SIPA1L1: variants seen among roughly 807,000 people sequenced by gnomAD.
SIPA1L1 encodes signal-induced proliferation-associated 1-like protein 1.
In SIPA1L1, 26 loss-of-function variants were observed where a neutral mutation model predicts 162.7. The ratio of observed to expected loss-of-function variants is 0.16; its 90% CI spans 0.12 to 0.22. SIPA1L1 has a LOEUF of 0.22. Ranked by LOEUF, SIPA1L1 falls within the 10% of genes least tolerant of loss-of-function variation. SIPA1L1 has a pLI of 1.00. For synonymous variants in SIPA1L1, 829 were observed against 837.4 expected (o/e 0.99, Z 0.17); for missense variants, 1,874 against 2,241.0 (o/e 0.84, Z 3.31).
chr14:71,589,365 A>G lies in SIPA1L1; in HGVS notation c.1493A>G (p.Gln498Arg), dbSNP rs570823120. The G allele has an allele frequency of 2.5e-6, 4 of 1,599,944 alleles. No homozygotes were observed. In the African/African-American group the frequency reaches 5.4e-5, roughly 21 times the overall value. Residue 498 changes from glutamine (Q) to arginine (R), a missense_variant, in exon 5 of 24, where the codon CAG (glutamine) becomes CGG (arginine). Gln to Arg is a conservative substitution (Grantham distance 43, BLOSUM62 1). This residue lies in a region of SIPA1L1 where 685 missense variants were observed against 828.0 expected (regional missense o/e 0.83). Coordinates refer to ENST00000381232, the MANE Select transcript of SIPA1L1 (RefSeq NM_001386936.1). The stretch of plus-strand genomic sequence containing the variant: ...TACTATTATAGAAAATTTTTCTACC[A>G]GAAGGGTAAGTAGAGATCCTTTATT... ...GAYYYRKFFY[Q>R]KEHWNYFGAD...
intron 2 of SIPA1L1, among the ~76,000 whole-genome samples, chr14:71,375,540 G>C (rs939017662): frequency 2.0e-5 from 3 of 151,998 alleles, no homozygotes; most frequent in Admixed American, 2.0e-4. Context: ...CCACAAATAA[G>C]AGATTTTACT....
At chr14:71,562,614 G>T (rs755989962) in intron 4 of SIPA1L1, among the ~76,000 whole-genome samples, 1 of 152,068 alleles carries the variant, frequency 6.6e-6, no homozygotes, top group Non-Finnish European at 1.5e-5. Context: ...CCCAGAATTC[G>T]TTGGATAACC....
chr14:71,526,160 C>T (rs962628931), intron 3 of SIPA1L1, among the ~76,000 whole-genome samples: 3 of 152,064 alleles, frequency 2.0e-5, no homozygotes, highest in Non-Finnish European at 4.4e-5. Context: ...TAATGTGTCC[C>T]GTATTGTTTA....
chr14:71,402,078 G>A (rs1241467955), intron 2 of SIPA1L1, among the ~76,000 whole-genome samples: 1 of 152,000 alleles, frequency 6.6e-6, no homozygotes, highest in Non-Finnish European at 1.5e-5. Flanking sequence ...TATTAAGTTA[G>A]CTGTATGACG....
intron 2 of SIPA1L1, among the ~76,000 whole-genome samples, chr14:71,403,231 T>G (rs774303655): frequency 6.6e-6 from 1 of 152,200 alleles, no homozygotes; most frequent in Non-Finnish European, 1.5e-5. Flanking sequence ...CCAATTCATA[T>G]TCCTTCTTTT....
intron 15 of SIPA1L1, chr14:71,704,570 G>A (rs1006010061): frequency 2.6e-5 from 16 of 621,672 alleles, no homozygotes; most frequent in South Asian, 1.7e-4. Flanking sequence ...CAGAGGCCCA[G>A]GATTCTTGCT....
chr14:71,462,792 G>T (rs546106146), intron 2 of SIPA1L1, among the ~76,000 whole-genome samples: 2 of 152,214 alleles, frequency 1.3e-5, no homozygotes, highest in South Asian at 2.1e-4. Flanking sequence ...AGTGATCAAG[G>T]TCTCTCCGAA....
chr14:71,626,804 A>G (rs2040038201), intron 7 of SIPA1L1, among the ~76,000 whole-genome samples: 1 of 152,164 alleles, frequency 6.6e-6, no homozygotes, highest in Admixed American at 6.5e-5. Flanking sequence ...ACTGTCTTAC[A>G]TAACCATGCT....
intron 4 of SIPA1L1, among the ~76,000 whole-genome samples, chr14:71,532,108 A>G (rs775728640): frequency 6.6e-6 from 1 of 152,128 alleles, no homozygotes; most frequent in Non-Finnish European, 1.5e-5. Flanking sequence ...TAATTTATAC[A>G]TATTATATCC....
intron 2 of SIPA1L1, among the ~76,000 whole-genome samples, chr14:71,358,467 A>C (rs760456784): frequency 6.6e-6 from 1 of 152,186 alleles, no homozygotes; most frequent in Non-Finnish European, 1.5e-5. Context: ...ATTACTAGGA[A>C]ACTTCAGTCT....
chr14:71,406,439 G>A (rs1343816927), intron 2 of SIPA1L1, among the ~76,000 whole-genome samples: 1 of 151,722 alleles, frequency 6.6e-6, no homozygotes, highest in Non-Finnish European at 1.5e-5. Flanking sequence ...TTATGACTTG[G>A]GGTCAAAGAA....
At chr14:71,573,353 C>T (rs1379422845) in intron 4 of SIPA1L1, 2 of 328,258 alleles carry the variant, frequency 6.1e-6, no homozygotes, top group Non-Finnish European at 1.2e-5. Flanking sequence ...ATGATTAAGC[C>T]TCTGCTAAGG....
intron 7 of SIPA1L1, among the ~76,000 whole-genome samples, chr14:71,647,313 G>A (rs550216078): frequency 2.0e-5 from 3 of 152,062 alleles, no homozygotes; most frequent in African/African-American, 7.2e-5. Context: ...GTCAAAAGAG[G>A]CACATTGTCC....
At chr14:71,703,780 C>T (rs550018875) in intron 15 of SIPA1L1, among the ~76,000 whole-genome samples, 5 of 152,212 alleles carry the variant, frequency 3.3e-5, no homozygotes, top group Admixed American at 2.6e-4. Flanking sequence ...TGTCATGCCT[C>T]CCACTCTCGG....
chr14:71,683,541 A>G (rs1050856703), intron 12 of SIPA1L1, among the ~76,000 whole-genome samples: 1 of 152,180 alleles, frequency 6.6e-6, no homozygotes, highest in African/African-American at 2.4e-5. Flanking sequence ...TGCCTTATTT[A>G]GTCAGAAACG....
intron 12 of SIPA1L1, among the ~76,000 whole-genome samples, chr14:71,677,302 C>A (rs2149450880): frequency 6.6e-6 from 1 of 152,252 alleles, no homozygotes; most frequent in East Asian, 1.9e-4. Flanking sequence ...ATATCCTTTG[C>A]CAAATTTTGA....
At chr14:71,537,574 T>G (rs185552561) in intron 4 of SIPA1L1, among the ~76,000 whole-genome samples, 21 of 152,324 alleles carry the variant, frequency 1.4e-4, no homozygotes, top group Admixed American at 1.3e-3. Context: ...CAGTGTAATC[T>G]CTTTTCAGAG....
intron 9 of SIPA1L1, among the ~76,000 whole-genome samples, chr14:71,660,113 A>C (rs894575348): frequency 6.6e-6 from 1 of 152,190 alleles, no homozygotes; most frequent in African/African-American, 2.4e-5. Flanking sequence ...AGAATGAATA[A>C]TATTACAGAA....
chr14:71,612,392 A>G (rs1257623517), intron 5 of SIPA1L1, among the ~76,000 whole-genome samples: 2 of 152,164 alleles, frequency 1.3e-5, no homozygotes, highest in Non-Finnish European at 2.9e-5. Context: ...ATAGTAGCTA[A>G]GTTTTATTTG....
Sources: allele counts gnomAD v4.1 joint callset (sites outside exome capture counted in the v4.1 genomes callset), GRCh38; gene constraint gnomAD v4.1.1; regional missense constraint gnomAD v4.1.1; transcripts MANE v1.5; gene names NCBI Gene and HGNC (gene_info 2026-07-23, HGNC 2026-07-21).